The following ZNF518A variants were observed in gnomAD, a reference collection of about 807,000 sequenced individuals.
ZNF518A encodes zinc finger protein 518.
ZNF518A carries 47 observed loss-of-function variants against 102.7 expected under a neutral mutation model. The observed-to-expected ratio is 0.46, with a 90% CI of 0.36 to 0.58. ZNF518A has a LOEUF of 0.58. Among genes scored for constraint, ZNF518A ranks in the 20% least tolerant of loss-of-function variants. The pLI is 0.00. For synonymous variants in ZNF518A, 652 were observed against 594.6 expected (o/e 1.10, Z -1.40); for missense variants, 1,793 against 1,699.8 (o/e 1.05, Z -0.96).
chr10:96,179,854 CTTCTTT>C (rs2133891255), intron 1 of ZNF518A, among the ~76,000 whole-genome samples: 1 of 137,802 alleles, frequency 7.3e-6, no homozygotes, highest in African/African-American at 2.6e-5. Flanking sequence ...TTCTTCTTTT[CTTCTTT>C]TTTTCTTCTT....
Position 96,157,186 on chromosome 10 carries a change from T to C in ZNF518A, c.864T>C (p.His288=), listed in dbSNP as rs2082734755. ...VRHVITLHKE[H]LYAKEKLEKD... is the part of the protein sequence containing the mutation. ...ATGTTATAACTTTGCACAAAGAACATTTATATGCAAAAGAAAAACTGGAAA... is the reference window on the plus strand; with the variant it reads ...ATGTTATAACTTTGCACAAAGAACACTTATATGCAAAAGAAAAACTGGAAA... The change falls in exon 6 of 6, where the codon CAT becomes CAC. Residue 288 remains histidine, a synonymous_variant. Coordinates refer to ENST00000316045, the MANE Select transcript of ZNF518A (RefSeq NM_001330736.2). The C allele has an allele frequency of 1.2e-6, 2 of 1,611,624 alleles. No individual in the cohort carries two copies. Among genetic ancestry groups the C allele is most frequent in the Admixed American group, 1.7e-5 (1 of 59,524 alleles).
intron 3 of ZNF518A, among the ~76,000 whole-genome samples, chr10:96,134,674 C>T (rs981407252): frequency 6.6e-6 from 1 of 152,124 alleles, no homozygotes; most frequent in Non-Finnish European, 1.5e-5. Context: ...CTGACCAAAA[C>T]GATTTGTATT....
chr10:96,169,966 A>C (rs144167737), intron 1 of ZNF518A, among the ~76,000 whole-genome samples: 7 of 152,364 alleles, frequency 4.6e-5, no homozygotes, highest in Admixed American at 1.3e-4. Context: ...ACCTGGAATG[A>C]ATAAATCTTC....
chr10:96,192,126 G>C, intron 1 of ZNF518A: 1 of 1,611,992 alleles, frequency 6.2e-7, no homozygotes, highest in South Asian at 1.1e-5. Flanking sequence ...ATTATACTTT[G>C]GCATTTGTGT....
chr10:96,135,425 A>C (rs1158026801), intron 3 of ZNF518A: 1 of 152,204 alleles, frequency 6.6e-6, no homozygotes, highest in Non-Finnish European at 1.5e-5. Context: ...TATGGCCCTT[A>C]TGAATTTAAG....
intron 1 of ZNF518A, among the ~76,000 whole-genome samples, chr10:96,193,338 A>G (rs1190172868): frequency 3.3e-5 from 5 of 152,186 alleles, no homozygotes; most frequent in African/African-American, 1.2e-4. Flanking sequence ...GAAATAGCAC[A>G]ATCTCTTTGA....
chr10:96,193,687 A>G (rs1159001642), intron 1 of ZNF518A, among the ~76,000 whole-genome samples: 6 of 152,212 alleles, frequency 3.9e-5, no homozygotes, highest in Admixed American at 3.9e-4. Flanking sequence ...GGACAGAAAA[A>G]CAACGTATTG....
intron 3 of ZNF518A, among the ~76,000 whole-genome samples, chr10:96,152,443 A>G (rs1317740753): frequency 1.3e-5 from 2 of 152,374 alleles, no homozygotes; most frequent in East Asian, 3.8e-4. Context: ...AGACGTTCAC[A>G]ACATGCCAAC....
chr10:96,190,243 G>T, intron 1 of ZNF518A: 1 of 740,704 alleles, frequency 1.4e-6, no homozygotes. Flanking sequence ...ACACTTAGGT[G>T]GGAGAGAAAG....
Position 96,139,660 on chromosome 10 carries a change from T to C in ZNF518A, c.-302+6012T>C, listed in dbSNP as rs1305851938. ...CAAGGAGCTTTAAGCAGGGGAGCTT[T>C]GTGATATGTTTTATTTTAAGAAGAA... On this transcript the variant is annotated intron_variant, in intron 3 of 5. Coordinates refer to ENST00000316045, the MANE Select transcript of ZNF518A (RefSeq NM_001330736.2). Among the ~76,000 whole-genome samples the C allele has an allele frequency of 2.6e-5, 4 of 152,106 alleles. 1 individual carries two copies. Among genetic ancestry groups the C allele is most frequent in the Non-Finnish European group, 5.9e-5 (4 of 67,986 alleles).
intron 1 of ZNF518A, chr10:96,191,986 A>G (rs1184562407): frequency 6.2e-7 from 1 of 1,613,620 alleles, no homozygotes; most frequent in African/African-American, 1.3e-5. Context: ...TGAAACTTTA[A>G]CTGCATACTT....
At chr10:96,136,899 T>C (rs1052393769) in intron 3 of ZNF518A, among the ~76,000 whole-genome samples, 1 of 152,238 alleles carries the variant, frequency 6.6e-6, no homozygotes, top group Non-Finnish European at 1.5e-5. Flanking sequence ...GCTTTTGCTG[T>C]AAATGGCCAG....
In ZNF518A at chr10:96,159,801, T is replaced by G; in HGVS notation, c.3479T>G (p.Leu1160Arg). Reference protein sequence around the residue: ...PVLNVTAANNLSVSNSASSLQ... With the variant: ...PVLNVTAANNRSVSNSASSLQ... ...TTAAATGTGACTGCTGCTAATAATC[T>G]GTCAGTAAGCAACTCTGCATCCTCA... Residue 1160 changes from leucine to arginine, a missense_variant, in exon 6 of 6, where the codon CTG (leucine) becomes CGG (arginine). Leu to Arg is a moderately radical substitution (Grantham distance 102). Around this residue, in one of 3 missense-constraint regions of ZNF518A, gnomAD observed 1,741 missense variants for 1,622.6 expected, o/e 1.07. Coordinates refer to ENST00000316045, the MANE Select transcript of ZNF518A (RefSeq NM_001330736.2). 5 of 1,613,674 alleles carry G rather than the reference T, an allele frequency of 3.1e-6. No individual in the cohort carries two copies. The highest frequency in any genetic ancestry group is 4.2e-6 in the Non-Finnish European group (5 of 1,179,774).
At chr10:96,134,094 G>A (rs1049261297) in intron 3 of ZNF518A, among the ~76,000 whole-genome samples, 3 of 152,200 alleles carry the variant, frequency 2.0e-5, no homozygotes, top group Non-Finnish European at 4.4e-5. Context: ...CTTTTTGAGT[G>A]CTGACATGAA....
intron 3 of ZNF518A, among the ~76,000 whole-genome samples, chr10:96,140,858 T>C (rs372310471): frequency 6.6e-6 from 1 of 152,088 alleles, no homozygotes; most frequent in Non-Finnish European, 1.5e-5. Context: ...GGAGAATCAA[T>C]TGAGCCCAGA....
rs1353157211 is a variant in ZNF518A, at chr10:96,130,448, G to A, written c.-757G>A. ...CTCTCCTACATTCTAGGAGCTGGGT[G>A]GGAGTAGGAGACGGTGTGCCTCCGC... On this transcript the variant is annotated 5_prime_UTR_variant, in exon 1 of 6. Transcript: ENST00000316045. Among the ~76,000 whole-genome samples, 6 of 152,254 alleles carry A rather than the reference G, an allele frequency of 3.9e-5. No individual in the cohort carries two copies. Among genetic ancestry groups the A allele is most frequent in the African/African-American group, 1.4e-4 (6 of 41,468 alleles).
rs1473014631 is a variant in ZNF518A at position 96,161,380 on chromosome 10, G to A, written c.*606G>A. 6.0e-6 allele frequency: 1 copy of A among 166,872 alleles called. No homozygotes were observed. The highest frequency in any genetic ancestry group is 1.5e-5 in the Non-Finnish European group (1 of 68,044). The allele number at this position is 166,872 out of a possible 1,614,324, so 10.3% of individuals were successfully genotyped here. A position where few individuals can be genotyped will look rare whatever the true frequency, so the allele number is the denominator to read the frequency against. Reference sequence around the variant, plus strand: ...TTTTGGCAAGTAAATTTTTTTTCCAGTTGAACTCTGTCACTTGTTAGAGAT... The same window carrying A: ...TTTTGGCAAGTAAATTTTTTTTCCAATTGAACTCTGTCACTTGTTAGAGAT... On this transcript the variant is annotated 3_prime_UTR_variant, in exon 6 of 6. Transcript: ENST00000316045.
chr10:96,156,411 G>C lies in ZNF518A; in HGVS notation c.89G>C (p.Arg30Thr). 1.9e-6 allele frequency: 3 copies of C among 1,611,046 alleles called. No homozygotes were observed. Among genetic ancestry groups the C allele is most frequent in the Non-Finnish European group, 2.5e-6 (3 of 1,179,118 alleles). ...DYDVKNEIVD[R>T]SAPKPKISGS... Reference sequence around the variant, plus strand: ...GATGTGAAAAATGAGATAGTTGATAGGTCGGCACCTAAACCAAAAATTTCA... The same window carrying C: ...GATGTGAAAAATGAGATAGTTGATACGTCGGCACCTAAACCAAAAATTTCA... Residue 30 changes from arginine (R) to threonine (T), a missense_variant, in exon 6 of 6, where the codon AGG (arginine) becomes ACG (threonine). Physicochemically the swap from Arg to Thr is moderately conservative, Grantham distance 71. Around this residue, in one of 3 missense-constraint regions of ZNF518A, gnomAD observed 1,741 missense variants for 1,622.6 expected, o/e 1.07. Coordinates refer to ENST00000316045, the MANE Select transcript of ZNF518A (RefSeq NM_001330736.2).
rs1554871339 is a variant in ZNF518A, at chr10:96,130,748, C to T, written c.-457C>T. 1.3e-5 allele frequency: 2 copies of T among 152,362 alleles called. No individual in the cohort carries two copies. Among genetic ancestry groups the T allele is most frequent in the African/African-American group, 4.8e-5 (2 of 41,444 alleles). The allele number at this position is 152,362 out of a possible 1,614,324, so 9.4% of individuals were successfully genotyped here. On this transcript the variant is annotated 5_prime_UTR_variant, in exon 1 of 6. The change creates a premature stop within an existing upstream ORF in the 5' untranslated region. Coordinates refer to ENST00000316045, the MANE Select transcript of ZNF518A (RefSeq NM_001330736.2). Reference sequence around the variant, plus strand: ...GCGCTCGCTCTTCTCCAGAGTTGGCCAAAGGTGCTCTTCCCCGCAGACCCT... The same window carrying T: ...GCGCTCGCTCTTCTCCAGAGTTGGCTAAAGGTGCTCTTCCCCGCAGACCCT...
Sources: allele counts gnomAD v4.1 joint callset (sites outside exome capture counted in the v4.1 genomes callset), GRCh38; gene constraint gnomAD v4.1.1; regional missense constraint gnomAD v4.1.1; transcripts MANE v1.5; gene names NCBI Gene and HGNC (gene_info 2026-07-23, HGNC 2026-07-21).